The following MYRIP variants were observed in gnomAD, a reference collection of about 807,000 sequenced individuals.
MYRIP encodes the protein rab effector MyRIP.
In MYRIP, 49 loss-of-function variants were observed where a neutral mutation model predicts 98.0. That is an observed-to-expected ratio of 0.50 (90% CI 0.40 to 0.63). The LOEUF (loss-of-function observed/expected upper bound fraction) is 0.63, where lower values mean the gene tolerates loss of function less well. MYRIP is among the 30% of genes least tolerant of loss of function. The pLI, the probability that MYRIP is intolerant of heterozygous loss-of-function variation, is 0.00. For synonymous variants in MYRIP, 404 were observed against 409.5 expected, an observed-to-expected ratio of 0.99 and a Z score of 0.16; for missense variants, 1,004 against 1,058.2, an observed-to-expected ratio of 0.95 and a Z score of 0.71.
At chr3:39,837,406 A>G (rs1016601034) in intron 1 of MYRIP, among the ~76,000 whole-genome samples, 1 of 152,174 alleles carries the variant, frequency 6.6e-6, no homozygotes, top group African/African-American at 2.4e-5. Flanking sequence ...GGTGTAAGGA[A>G]GGGGTCCAGT....
chr3:40,024,176 T>C (rs1488063924), intron 2 of MYRIP, among the ~76,000 whole-genome samples: 1 of 152,150 alleles, frequency 6.6e-6, no homozygotes, highest in Non-Finnish European at 1.5e-5. Flanking sequence ...ATCCCTCACA[T>C]CTCCACTTTT....
At chr3:39,887,228 G>A (rs1943332292) in intron 1 of MYRIP, among the ~76,000 whole-genome samples, 2 of 151,870 alleles carry the variant, frequency 1.3e-5, no homozygotes, top group African/African-American at 4.8e-5. Flanking sequence ...ATGCCCACAA[G>A]AGAAAGCAGG....
chr3:40,072,121 G>A (rs944891821), intron 3 of MYRIP, among the ~76,000 whole-genome samples: 7 of 152,186 alleles, frequency 4.6e-5, no homozygotes, highest in Non-Finnish European at 1.0e-4. Context: ...GTAGGCTGTA[G>A]GGCTTGCCTG....
rs570408591 is a variant in MYRIP, at chr3:39,889,233, T to C, written c.-30-11554T>C. ...TGCTATAAAGACACATGCACACGTA[T>C]GTTTATTGTGGCATTATTCACAATA... On this transcript the variant is annotated intron_variant, in intron 1 of 16. Coordinates refer to ENST00000302541, the MANE Select transcript of MYRIP (RefSeq NM_015460.4). 3.9e-5 allele frequency among the ~76,000 whole-genome samples: 6 copies of C among 152,336 alleles called. No individual in the cohort carries two copies. In the South Asian group the frequency reaches 1.2e-3, roughly 32 times the overall value.
intron 3 of MYRIP, among the ~76,000 whole-genome samples, chr3:40,110,034 T>C (rs1949126684): frequency 6.6e-6 from 1 of 152,140 alleles, no homozygotes; most frequent in Non-Finnish European, 1.5e-5. Flanking sequence ...TAAGTGCAAC[T>C]GGAACTGACT....
intron 2 of MYRIP, among the ~76,000 whole-genome samples, chr3:40,002,404 G>A (rs926790073): frequency 2.0e-5 from 3 of 151,956 alleles, no homozygotes; most frequent in South Asian, 2.1e-4. Flanking sequence ...GCATAGTGGC[G>A]TGTGCCTGTA....
intron 1 of MYRIP, among the ~76,000 whole-genome samples, chr3:39,821,084 A>G (rs965156500): frequency 6.6e-6 from 1 of 152,154 alleles, no homozygotes; most frequent in Non-Finnish European, 1.5e-5. Context: ...CACAAATCTG[A>G]AAGATAGTTA....
At chr3:39,995,412 C>T (rs1453542311) in intron 2 of MYRIP, among the ~76,000 whole-genome samples, 12 of 152,116 alleles carry the variant, frequency 7.9e-5, no homozygotes, top group Middle Eastern at 3.4e-3. Flanking sequence ...GTAGCCGATT[C>T]GATCAACTGG....
At chr3:39,932,412 G>A (rs1944561770) in intron 2 of MYRIP, among the ~76,000 whole-genome samples, 1 of 152,014 alleles carries the variant, frequency 6.6e-6, no homozygotes, top group Admixed American at 6.6e-5. Flanking sequence ...CCAGGCTGGA[G>A]TGCAGTGGTG....
At chr3:40,030,532 T>G (rs1230751419) in intron 2 of MYRIP, among the ~76,000 whole-genome samples, 1 of 152,152 alleles carries the variant, frequency 6.6e-6, no homozygotes, top group Non-Finnish European at 1.5e-5. Context: ...TACATGAATG[T>G]TTATATCAGC....
intron 2 of MYRIP, among the ~76,000 whole-genome samples, chr3:40,029,249 C>T (rs1171244915): frequency 1.3e-5 from 2 of 152,166 alleles, no homozygotes; most frequent in Non-Finnish European, 2.9e-5. Flanking sequence ...TTGGAAATAT[C>T]ACCTCTGTTC....
At chr3:40,030,330 A>G (rs1026812130) in intron 2 of MYRIP, among the ~76,000 whole-genome samples, 3 of 152,128 alleles carry the variant, frequency 2.0e-5, no homozygotes, top group African/African-American at 7.2e-5. Flanking sequence ...ATTTTTTAAA[A>G]TGCAGACAAT....
At chr3:40,203,478 C>A (rs543822241) in intron 10 of MYRIP, among the ~76,000 whole-genome samples, 83 of 151,228 alleles carry the variant, frequency 5.5e-4, no homozygotes, top group Non-Finnish European at 1.0e-3. Flanking sequence ...TTTAGGTGAT[C>A]AATGAGATGA....
intron 2 of MYRIP, among the ~76,000 whole-genome samples, chr3:40,038,212 TA>T (rs1012624396): frequency 3.9e-5 from 6 of 151,980 alleles, no homozygotes; most frequent in African/African-American, 1.2e-4. Context: ...TAAATGACAA[TA>T]AAAAAATTTC....
intron 2 of MYRIP, among the ~76,000 whole-genome samples, chr3:39,976,437 A>C (rs1433160563): frequency 6.6e-6 from 1 of 152,194 alleles, no homozygotes; most frequent in Admixed American, 6.5e-5. Flanking sequence ...ACACTTTTAC[A>C]CTGTTGGTGG....
chr3:39,974,713 G>T (rs551996313), intron 2 of MYRIP, among the ~76,000 whole-genome samples: 21 of 152,230 alleles, frequency 1.4e-4, no homozygotes, highest in Middle Eastern at 3.4e-3. Flanking sequence ...GATCAAGTGG[G>T]CTTCATCCCT....
chr3:40,213,353 T>C (rs545959254), intron 11 of MYRIP, among the ~76,000 whole-genome samples: 2 of 152,178 alleles, frequency 1.3e-5, no homozygotes, highest in African/African-American at 4.8e-5. Flanking sequence ...CAGCAAATCT[T>C]AATTATTGTA....
Position 40,030,687 on chromosome 3 carries a change from G to A in MYRIP, c.111-13363G>A, listed in dbSNP as rs1240959563. On this transcript the variant is annotated intron_variant, in intron 2 of 16. Transcript: ENST00000302541. Reference sequence around the variant, plus strand: ...GATGCATGCTACAACATGGATAAACGTTGAACACATTATGCAAAGTGAAAG... The same window carrying A: ...GATGCATGCTACAACATGGATAAACATTGAACACATTATGCAAAGTGAAAG... Among the ~76,000 whole-genome samples, 5 of 152,080 alleles carry A rather than the reference G, an allele frequency of 3.3e-5. No homozygotes were observed. The South Asian group carries it at 6.2e-4, about 19-fold the overall frequency.
intron 12 of MYRIP, among the ~76,000 whole-genome samples, chr3:40,238,276 A>G (rs971971067): frequency 5.3e-5 from 8 of 152,166 alleles, no homozygotes; most frequent in Non-Finnish European, 8.8e-5. Context: ...TCGTCTCTTT[A>G]ATTCAACAGA....
Sources: gnomAD v4.1 joint callset for allele counts (sites outside exome capture counted in the v4.1 genomes callset) on GRCh38, gnomAD v4.1.1 for gene constraint, MANE v1.5 for transcripts, NCBI Gene and HGNC (gene_info 2026-07-23, HGNC 2026-07-21) for gene names.